BCKDHB: variants seen among roughly 807,000 people sequenced by gnomAD.
BCKDHB encodes the protein branched chain keto acid dehydrogenase E1 subunit beta.
A neutral mutation model predicts 48.5 loss-of-function variants in BCKDHB; 41 were observed. The observed-to-expected ratio is 0.85, with a 90% CI of 0.66 to 1.10. The LOEUF is 1.10. Ranked by LOEUF, BCKDHB falls within the 50% of genes least tolerant of loss-of-function variation. The probability of loss-of-function intolerance (pLI) is 0.00; values close to 1 mark genes in which losing one functional copy is unlikely to be tolerated. For missense variants in BCKDHB, 496 were observed against 494.2 expected (o/e 1.00, Z -0.03); for synonymous variants, 201 against 174.8 (o/e 1.15, Z -1.18).
intron 9 of BCKDHB, among the ~76,000 whole-genome samples, chr6:80,339,836 C>T (rs770949355): frequency 1.3e-5 from 2 of 152,100 alleles, no homozygotes; most frequent in Admixed American, 6.6e-5. Flanking sequence ...TTCTTTATTC[C>T]TAATTCAATT....
At chr6:80,279,122 C>G (rs1042266562) in intron 9 of BCKDHB, among the ~76,000 whole-genome samples, 3 of 151,872 alleles carry the variant, frequency 2.0e-5, no homozygotes, top group African/African-American at 7.3e-5. Context: ...TAAACTGTCT[C>G]CTTTTTGTTT....
At chr6:80,167,612 T>G (rs1772640897) in intron 3 of BCKDHB, 66 bp from the exon 4 acceptor site, 1 of 1,465,332 alleles carries the variant, frequency 6.8e-7, no homozygotes, top group African/African-American at 1.4e-5. Flanking sequence ...ACTGAATTTT[T>G]AAATGTATTA....
intron 9 of BCKDHB, among the ~76,000 whole-genome samples, chr6:80,338,991 TG>T (rs1355519469): frequency 6.3e-5 from 7 of 111,272 alleles, no homozygotes; most frequent in African/African-American, 2.2e-4. Flanking sequence ...AATTATATTA[TG>T]AAACCTTGCC....
chr6:80,332,076 G>A (rs1365383289), intron 9 of BCKDHB, among the ~76,000 whole-genome samples: 1 of 152,152 alleles, frequency 6.6e-6, no homozygotes, highest in Non-Finnish European at 1.5e-5. Context: ...TGACTGAAAT[G>A]CTTGTCTCAG....
At chr6:80,459,270 A>G in the BCKDHB span, among the ~76,000 whole-genome samples, 4 of 152,348 alleles carry the variant, frequency 2.6e-5, no homozygotes, top group Non-Finnish European at 2.9e-5. Context: ...AAAATGTGGT[A>G]TATACACATA....
chr6:80,294,591 G>A (rs1048000376), intron 9 of BCKDHB, among the ~76,000 whole-genome samples: 1 of 152,184 alleles, frequency 6.6e-6, no homozygotes, highest in Non-Finnish European at 1.5e-5. Flanking sequence ...CCTGGGAAAG[G>A]AATGCATTCC....
At chr6:80,171,464 C>T (rs1174004663) in intron 6 of BCKDHB, 74 bp downstream of exon 6, 3 of 849,528 alleles carry the variant, frequency 3.5e-6, no homozygotes, top group Admixed American at 5.8e-5. Context: ...AAAGTTATAT[C>T]TTTTTTTTCT....
At position 80,237,969 on chromosome 6, in the gene BCKDHB, A is replaced by G. The variant is rs147462385; in HGVS notation, c.951+34757A>G. The stretch of plus-strand genomic sequence containing the variant: ...AGGAACTATTTCATGTCTAGTTGAA[A>G]TGTGTTATAAAACTTAAATAGGTTT... On this transcript the variant is annotated intron_variant, in intron 8 of 9. Transcript: ENST00000320393. Among the ~76,000 whole-genome samples the G allele has an allele frequency of 9.5e-3, 1,452 of 152,352 alleles. 7 individuals are homozygous for G. Among genetic ancestry groups the G allele is most frequent in the Non-Finnish European group, 0.014 (949 of 68,030 alleles).
At chr6:80,128,284 T>C (rs12206303) in intron 2 of BCKDHB, among the ~76,000 whole-genome samples, 2,869 of 152,272 alleles carry the variant, frequency 0.019, 34 homozygotes, top group Middle Eastern at 0.092. Flanking sequence ...AAAAACAGGT[T>C]ATTTTTTAGG....
At chr6:80,279,137 G>T (rs1340293182) in intron 9 of BCKDHB, among the ~76,000 whole-genome samples, 1 of 151,678 alleles carries the variant, frequency 6.6e-6, no homozygotes, top group East Asian at 1.9e-4. Context: ...TTGTTTGTTT[G>T]TTTGTTTTTT....
At chr6:80,151,092 T>G (rs1404749538) in intron 3 of BCKDHB, among the ~76,000 whole-genome samples, 1 of 152,196 alleles carries the variant, frequency 6.6e-6, no homozygotes, top group African/African-American at 2.4e-5. Context: ...GGGCCAACTG[T>G]GTTTTCTATA....
intron 9 of BCKDHB, among the ~76,000 whole-genome samples, chr6:80,306,038 C>T (rs1410315466): frequency 2.0e-5 from 3 of 152,278 alleles, no homozygotes; most frequent in South Asian, 4.1e-4. Context: ...AGCAGTACTT[C>T]TTCCATATGG....
chr6:80,309,571 G>A (rs1352440799), intron 9 of BCKDHB, among the ~76,000 whole-genome samples: 1 of 151,830 alleles, frequency 6.6e-6, no homozygotes, highest in Non-Finnish European at 1.5e-5. Flanking sequence ...ATGTATTTTG[G>A]CCTGTGGTTT....
At chr6:80,112,604 C>T (rs1472745377) in intron 1 of BCKDHB, among the ~76,000 whole-genome samples, 1 of 152,218 alleles carries the variant, frequency 6.6e-6, no homozygotes, top group Non-Finnish European at 1.5e-5. Context: ...GCAGCACAGT[C>T]CAACTGCTGC....
At chr6:80,283,188 A>G (rs1766446065) in intron 9 of BCKDHB, among the ~76,000 whole-genome samples, 1 of 151,962 alleles carries the variant, frequency 6.6e-6, no homozygotes, top group African/African-American at 2.4e-5. Flanking sequence ...AGATTATTTA[A>G]TTTTTCTGTA....
chr6:80,354,007 A>C, the BCKDHB span, among the ~76,000 whole-genome samples: 3 of 152,064 alleles, frequency 2.0e-5, no homozygotes, highest in Admixed American at 2.0e-4. Context: ...ATGTATATTC[A>C]TATTTTTTGC....
the BCKDHB span, among the ~76,000 whole-genome samples, chr6:80,386,195 G>C: frequency 6.6e-6 from 1 of 151,954 alleles, no homozygotes; most frequent in East Asian, 1.9e-4. Context: ...CCCTGTAATT[G>C]CTTTTCTCTA....
chr6:80,401,588 A>G, the BCKDHB span, among the ~76,000 whole-genome samples: 1 of 151,786 alleles, frequency 6.6e-6, no homozygotes, highest in Non-Finnish European at 1.5e-5. Context: ...AGTCTCAGGT[A>G]GTTCTTTATA....
intron 8 of BCKDHB, among the ~76,000 whole-genome samples, chr6:80,207,447 T>G (rs1582357172): frequency 6.6e-6 from 1 of 151,760 alleles, no homozygotes; most frequent in Non-Finnish European, 1.5e-5. Flanking sequence ...ATAAAAATAT[T>G]TGGTTAATCC....
Sources: allele counts gnomAD v4.1 joint callset (sites outside exome capture counted in the v4.1 genomes callset), GRCh38; gene constraint gnomAD v4.1.1; transcripts MANE v1.5; gene names NCBI Gene and HGNC (gene_info 2026-07-23, HGNC 2026-07-21).